SFTPA2: variants seen among roughly 807,000 people sequenced by gnomAD.
SFTPA2 encodes pulmonary surfactant-associated protein A2.
In SFTPA2, 21 loss-of-function variants were observed where a neutral mutation model predicts 20.3. That is an observed-to-expected ratio of 1.03 (90% CI 0.73 to 1.49). The LOEUF (loss-of-function observed/expected upper bound fraction) is 1.49, where lower values mean the gene tolerates loss of function less well. SFTPA2 is among the 40% of genes most tolerant of loss of function. The pLI is 0.00. For missense variants in SFTPA2, 302 were observed against 314.8 expected (o/e 0.96, Z 0.31); for synonymous variants, 116 against 118.7 (o/e 0.98, Z 0.15).
At chr10:79,559,770 G>C (rs1859082241) in intron 2 of SFTPA2, 199 bp downstream of exon 2, 3 of 1,502,732 alleles carry the variant, frequency 2.0e-6, no homozygotes. Context: ...GGGAGCCCAG[G>C]GACCTGGGCT....
Position 79,555,993 on chromosome 10 carries a change from A to C in SFTPA2, c.*1216T>G, listed in dbSNP as rs1423194696. ...CAGTCTTTGCCATTTGCTCTCTGAA[A>C]TAACACTCAAAACATTTCACTCCTC... is the stretch of plus-strand genomic sequence containing the variant. On this transcript the variant is annotated 3_prime_UTR_variant, in exon 6 of 6. Coordinates refer to ENST00000372325, the MANE Select transcript of SFTPA2 (RefSeq NM_001098668.4). 6.5e-6 allele frequency: 1 copy of C among 153,136 alleles called. No individual in the cohort carries two copies. The highest frequency in any genetic ancestry group is 1.9e-4 in the East Asian group (1 of 5,204). The allele number at this position is 153,136 out of a possible 1,614,324, so 9.5% of individuals were successfully genotyped here. A position where few individuals can be genotyped will look rare whatever the true frequency, so the allele number is the denominator to read the frequency against.
chr10:79,559,996 G>A lies in SFTPA2; in HGVS notation c.-51C>T, dbSNP rs144008460. On this transcript the variant is annotated splice_region_variant and 5_prime_UTR_variant, in exon 2 of 6. Coordinates refer to ENST00000372325, the MANE Select transcript of SFTPA2 (RefSeq NM_001098668.4). ...TCTTTTCAGGCTCCAAGAAATCAGC[G>A]ACCTGAGAATGAAAAGAGATGAATA... 145 of 1,187,548 alleles carry A rather than the reference G, an allele frequency of 1.2e-4. 1 individual carries two copies. The East Asian group carries it at 5.5e-3, about 45-fold the overall frequency. The allele number at this position is 1,187,548 out of a possible 1,614,324, so 73.6% of individuals were successfully genotyped here. A position where few individuals can be genotyped will look rare whatever the true frequency, so the allele number is the denominator to read the frequency against.
At position 79,560,057 on chromosome 10, in the gene SFTPA2, G is replaced by A. The variant is rs17884417; in HGVS notation, c.-53-59C>T. On this transcript the variant is annotated intron_variant, in intron 1 of 5. Transcript: ENST00000372325. Reference sequence around the variant, plus strand: ...CCTGGACCCTTCAAGGTGATCATCGGGGGGTGATGACCCTCTCACAGTCAG... The same window carrying A: ...CCTGGACCCTTCAAGGTGATCATCGAGGGGTGATGACCCTCTCACAGTCAG... 1,069 of 1,057,336 alleles carry A rather than the reference G, an allele frequency of 1.0e-3. 6 individuals are homozygous for A. In the African/African-American group the frequency reaches 0.012, roughly 12 times the overall value. The allele number at this position is 1,057,336 out of a possible 1,614,324, so 65.5% of individuals were successfully genotyped here. A position where few individuals can be genotyped will look rare whatever the true frequency, so the allele number is the denominator to read the frequency against.
chr10:79,557,971 C>T (rs1858893386), intron 5 of SFTPA2, 81 bp downstream of exon 5: 3 of 1,603,080 alleles, frequency 1.9e-6, no homozygotes, highest in Non-Finnish European at 2.6e-6. Context: ...TGTTTGTCAT[C>T]TCTATTCTAG....
At position 79,557,108 on chromosome 10, in the gene SFTPA2, C is replaced by G. The variant is rs1196202264; in HGVS notation, c.*101G>C. The G allele has an allele frequency of 1.3e-6, 2 of 1,598,566 alleles. No homozygotes were observed. The highest frequency in any genetic ancestry group is 4.5e-5 in the East Asian group (2 of 44,692). On this transcript the variant is annotated 3_prime_UTR_variant, in exon 6 of 6. Coordinates refer to ENST00000372325, the MANE Select transcript of SFTPA2 (RefSeq NM_001098668.4). ...CAGCTCTAATAGCCACAAGTGAATT[C>G]TGTTGAAAGGGAGTTCTAGCATCTC... is the stretch of plus-strand genomic sequence containing the variant.
rs772763359 is a variant in SFTPA2 at position 79,557,318 on chromosome 10, C to G, written c.638G>C (p.Arg213Pro). The change falls in exon 6 of 6, where the codon CGA (arginine) becomes CCA (proline). Residue 213 changes from arginine (R) to proline (P), a missense_variant. Physicochemically the swap from Arg to Pro is moderately radical, Grantham distance 103. Coordinates refer to ENST00000372325, the MANE Select transcript of SFTPA2 (RefSeq NM_001098668.4). Reference sequence around the variant, plus strand: ...TTTTCCCCGACCTGCAGGCTCCCCTCGGTACCAGTTGGTGTAGTTTACAGG... The same window carrying G: ...TTTTCCCCGACCTGCAGGCTCCCCTGGGTACCAGTTGGTGTAGTTTACAGG... ...GTPVNYTNWY[R>P]GEPAGRGKEQ... The G allele has an allele frequency of 6.2e-7, 1 of 1,613,394 alleles. No homozygotes were observed. Among genetic ancestry groups the G allele is most frequent in the South Asian group, 1.1e-5 (1 of 91,090 alleles).
intron 4 of SFTPA2, 39 bp downstream of exon 4, chr10:79,558,847 G>A (rs1404420653): frequency 1.9e-6 from 3 of 1,613,862 alleles, no homozygotes; most frequent in East Asian, 2.2e-5. Flanking sequence ...AGGTCGCTGT[G>A]CCCATGTTTC....
chr10:79,557,272 G>C lies in SFTPA2; in HGVS notation c.684C>G (p.Tyr228Ter). 1 of 1,614,158 alleles carries C rather than the reference G, an allele frequency of 6.2e-7. No homozygotes were observed. The highest frequency in any genetic ancestry group is 8.5e-7 in the Non-Finnish European group (1 of 1,180,032). The stretch of plus-strand genomic sequence containing the variant: ...TCCTGTCATTCCACTGCCCATCTGT[G>C]TACATCTCCACACACTGCTCTTTTC... ...GRGKEQCVEM[Y>*]TDGQWNDRNC... Residue 228 changes from tyrosine to a stop codon, truncating the protein, a stop_gained, in exon 6 of 6, where the codon TAC becomes TAG. Transcript: ENST00000372325. LOFTEE classifies it high-confidence loss of function.
rs1564666794 is a variant in SFTPA2 at position 79,556,745 on chromosome 10, CCT to C, written c.*462_*463del. On this transcript the variant is annotated 3_prime_UTR_variant, in exon 6 of 6. Transcript: ENST00000372325. Reference sequence around the variant, plus strand: ...ACAGTCAGGGCTTCCCTGAAATCTGCCTCTCTCTGTCATTATGCTTGGCCGGT... The same window carrying C: ...ACAGTCAGGGCTTCCCTGAAATCTGCCTCTCTGTCATTATGCTTGGCCGGT... 1 of 244,484 alleles carries C rather than the reference CCT, an allele frequency of 4.1e-6. No homozygotes were observed. Among genetic ancestry groups the C allele is most frequent in the African/African-American group, 2.2e-5 (1 of 44,544 alleles). The allele number at this position is 244,484 out of a possible 1,614,324, so 15.1% of individuals were successfully genotyped here.
intron 4 of SFTPA2, 73 bp downstream of exon 4, chr10:79,558,813 C>T: frequency 5.6e-6 from 9 of 1,611,988 alleles, no homozygotes; most frequent in Non-Finnish European, 7.6e-6. Flanking sequence ...GTCTGACCCC[C>T]ATCACCCCTG....
In SFTPA2 at chr10:79,559,134, C is replaced by A. The variant is rs1201386613; in HGVS notation, c.173-129G>T. On this transcript the variant is annotated intron_variant, in intron 3 of 5. Coordinates refer to ENST00000372325, the MANE Select transcript of SFTPA2 (RefSeq NM_001098668.4). Reference sequence around the variant, plus strand: ...TCCGTGGGCACTATGAGGACAGACTCTCCAGGATGCGCCATCATAAGGGCC... The same window carrying A: ...TCCGTGGGCACTATGAGGACAGACTATCCAGGATGCGCCATCATAAGGGCC... 9 of 1,594,442 alleles carry A rather than the reference C, an allele frequency of 5.6e-6. No homozygotes were observed. In the East Asian group the frequency reaches 2.0e-4, roughly 36 times the overall value.
Position 79,556,378 on chromosome 10 carries a change from T to C in SFTPA2, c.*831A>G, listed in dbSNP as rs1858778692. ...TTTAATGATTATCTGGGTGAATGTA[T>C]TAATAAAAGGGGAAAGTGGAGCCGG... is the stretch of plus-strand genomic sequence containing the variant. On this transcript the variant is annotated 3_prime_UTR_variant, in exon 6 of 6. Transcript: ENST00000372325. 6.1e-6 allele frequency: 1 copy of C among 164,902 alleles called. No individual in the cohort carries two copies. The highest frequency in any genetic ancestry group is 6.5e-5 in the Admixed American group (1 of 15,294). 10.2% of individuals were successfully genotyped at this position (164,902 alleles called of 1,614,324 possible).
rs1204498387 is a variant in SFTPA2, at chr10:79,558,906, G to T, written c.272C>A (p.Ala91Asp). The T allele has an allele frequency of 6.2e-7, 1 of 1,613,996 alleles. No homozygotes were observed. Among genetic ancestry groups the T allele is most frequent in the Admixed American group, 1.7e-5 (1 of 60,006 alleles). ...CTCACCTGGAGGGCCTCTCTCGCCA[G>T]CCTCCCCCTTCTCTCCACGCTCTCC... Reference protein sequence around the residue: ...VPGERGEKGEAGERGPPGLPA... With the variant: ...VPGERGEKGEDGERGPPGLPA... Residue 91 changes from alanine to aspartate, a missense_variant, in exon 4 of 6, where the codon GCT (alanine) becomes GAT (aspartate). Transcript: ENST00000372325.
chr10:79,560,019 AT>A, intron 1 of SFTPA2, 21 bp from the exon 2 acceptor site: 1 of 1,141,630 alleles, frequency 8.8e-7, no homozygotes, highest in Middle Eastern at 2.8e-4. Context: ...AAAGAGATGA[AT>A]AGGGCCCACA....
In SFTPA2 at chr10:79,556,952, A is replaced by G; in HGVS notation, c.*257T>C. 1.6e-6 allele frequency: 1 copy of G among 612,472 alleles called. No individual in the cohort carries two copies. The allele number at this position is 612,472 out of a possible 1,614,324, so 37.9% of individuals were successfully genotyped here. A position where few individuals can be genotyped will look rare whatever the true frequency, so the allele number is the denominator to read the frequency against. ...ATAAGGAGGCCTCCATCTCATGCCA[A>G]AGGCCAAGGCTAGGAGTGGCTGCCT... On this transcript the variant is annotated 3_prime_UTR_variant, in exon 6 of 6. Transcript: ENST00000372325.
At position 79,557,429 on chromosome 10, in the gene SFTPA2, C is replaced by T. The variant is rs1455446531; in HGVS notation, c.527G>A (p.Ser176Asn). 4.3e-6 allele frequency: 7 copies of T among 1,613,818 alleles called. No individual in the cohort carries two copies. In the African/African-American group the frequency reaches 5.3e-5, roughly 12 times the overall value. ...RNPEENEAIASFVKKYNTYAY... is the reference protein window; with the variant it reads ...RNPEENEAIANFVKKYNTYAY... The stretch of plus-strand genomic sequence containing the variant: ...ATATGTGTTGTACTTCTTCACGAAG[C>T]TTGCAATGGCCTCATTTTCCTCTGG... The change falls in exon 6 of 6, where the codon AGC (serine) becomes AAC (asparagine). Residue 176 changes from serine to asparagine, a missense_variant. By Grantham distance (46) the Ser-to-Asn change is conservative. Transcript: ENST00000372325.
chr10:79,559,764 G>A, intron 2 of SFTPA2: 1 of 1,515,966 alleles, frequency 6.6e-7, no homozygotes, highest in Non-Finnish European at 8.8e-7. Context: ...GCTCTGGGGA[G>A]CCCAGGGACC....
rs17886221 is a variant in SFTPA2 at position 79,558,896 on chromosome 10, T to C, written c.282A>G (p.Arg94=). Residue 94 remains arginine (R), a synonymous_variant, in exon 4 of 6, where the codon AGA becomes AGG. Coordinates refer to ENST00000372325, the MANE Select transcript of SFTPA2 (RefSeq NM_001098668.4). ...ERGEKGEAGE[R]GPPGLPAHLD... ...CCCCGCCCTGCTCACCTGGAGGGCC[T>C]CTCTCGCCAGCCTCCCCCTTCTCTC... 8,772 of 1,613,700 alleles carry C rather than the reference T, an allele frequency of 5.4e-3. 186 individuals carry two copies. The African/African-American group carries it at 0.061, about 11-fold the overall frequency.
intron 2 of SFTPA2, 199 bp from the exon 3 acceptor site, chr10:79,559,705 C>T (rs1319303708): frequency 2.6e-6 from 4 of 1,550,544 alleles, no homozygotes; most frequent in East Asian, 2.4e-5. Flanking sequence ...AGGCCTCCGG[C>T]TGGAGGTTGT....
Sources: allele counts gnomAD v4.1 joint callset, GRCh38; gene constraint gnomAD v4.1.1; transcripts MANE v1.5; gene names NCBI Gene and HGNC (gene_info 2026-07-23, HGNC 2026-07-21).